The following ADAM22 variants were observed in gnomAD, a reference collection of about 807,000 sequenced individuals.
ADAM22 encodes disintegrin and metalloproteinase domain-containing protein 22.
ADAM22 carries 65 observed loss-of-function variants against 144.6 expected under a neutral mutation model. That is an observed-to-expected ratio of 0.45 (90% CI 0.37 to 0.55). The LOEUF (loss-of-function observed/expected upper bound fraction) is 0.55, where lower values mean the gene tolerates loss of function less well. Ranked by LOEUF, ADAM22 falls within the 20% of genes least tolerant of loss-of-function variation. ADAM22 has a pLI of 0.00. For synonymous variants in ADAM22, 391 were observed against 412.6 expected (o/e 0.95, Z 0.63); for missense variants, 974 against 1,184.9 (o/e 0.82, Z 2.61).
rs999985709 is a variant in ADAM22 at position 88,198,118 on chromosome 7, T to C, written c.*1627T>C. ...ATTTGCTGTGTGTTCTTAAGAGGAATGGAATCTGCAGACAGGTTTTCAGAT... is the reference window on the plus strand; with the variant it reads ...ATTTGCTGTGTGTTCTTAAGAGGAACGGAATCTGCAGACAGGTTTTCAGAT... On this transcript the variant is annotated 3_prime_UTR_variant, in exon 32 of 32. Coordinates refer to ENST00000413139, the MANE Select transcript of ADAM22 (RefSeq NM_001324418.2). 2.0e-5 allele frequency: 3 copies of C among 152,160 alleles called. No homozygotes were observed. The highest frequency in any genetic ancestry group is 2.9e-5 in the Non-Finnish European group (2 of 68,028). 9.4% of individuals were successfully genotyped at this position (152,160 alleles called of 1,614,324 possible).
intron 14 of ADAM22, among the ~76,000 whole-genome samples, chr7:88,142,701 G>A (rs561375604): frequency 1.4e-4 from 21 of 152,200 alleles, no homozygotes; most frequent in African/African-American, 4.3e-4. Context: ...AGCTGGGCAT[G>A]GTGGCGGGCG....
intron 3 of ADAM22, among the ~76,000 whole-genome samples, chr7:88,002,823 C>T (rs1304395006): frequency 1.3e-5 from 2 of 152,156 alleles, no homozygotes; most frequent in East Asian, 1.9e-4. Context: ...TTCACTTCCT[C>T]CTTGATCCTG....
Position 88,163,199 on chromosome 7 carries a change from G to A in ADAM22, c.2076+19G>A. On this transcript the variant is annotated intron_variant, in intron 23 of 31. Coordinates refer to ENST00000413139, the MANE Select transcript of ADAM22 (RefSeq NM_001324418.2). ...AAATGGAGTAAGTATCCAGTACCTT[G>A]TCAGAATCTATTTCTTTTATATCAC... The A allele has an allele frequency of 1.3e-6, 2 of 1,550,700 alleles. No homozygotes were observed. The highest frequency in any genetic ancestry group is 1.7e-6 in the Non-Finnish European group (2 of 1,152,680).
intron 8 of ADAM22, among the ~76,000 whole-genome samples, chr7:88,128,378 G>T (rs1830955634): frequency 6.6e-6 from 1 of 151,972 alleles, no homozygotes; most frequent in African/African-American, 2.4e-5. Context: ...GAATAGAGGT[G>T]AGAGGAAGAC....
intron 3 of ADAM22, among the ~76,000 whole-genome samples, chr7:87,978,798 A>T (rs1852533574): frequency 6.6e-6 from 1 of 152,174 alleles, no homozygotes; most frequent in South Asian, 2.1e-4. Flanking sequence ...GATTCAGAGG[A>T]CTGGCTGCAT....
At chr7:88,184,622 C>T (rs1031795249) in intron 29 of ADAM22, among the ~76,000 whole-genome samples, 13 of 151,704 alleles carry the variant, frequency 8.6e-5, no homozygotes, top group Non-Finnish European at 1.0e-4. Context: ...TTTTGCATGT[C>T]GCGCTATATG....
rs144364118 is a variant in ADAM22, at chr7:87,952,906, C to G, written c.246+17720C>G. Among the ~76,000 whole-genome samples the G allele has an allele frequency of 9.3e-3, 1,419 of 152,272 alleles. 22 individuals carry two copies. The highest frequency in any genetic ancestry group is 0.033 in the African/African-American group (1,357 of 41,552). On this transcript the variant is annotated intron_variant, in intron 2 of 31. Coordinates refer to ENST00000413139, the MANE Select transcript of ADAM22 (RefSeq NM_001324418.2). The stretch of plus-strand genomic sequence containing the variant: ...GTGTTGAGGAATTTATCCATTTCTT[C>G]TAGATTTTCTAGTTTATTTGTGTAG...
chr7:87,991,826 A>G (rs970352576), intron 3 of ADAM22, among the ~76,000 whole-genome samples: 32 of 152,364 alleles, frequency 2.1e-4, no homozygotes, highest in Non-Finnish European at 3.2e-4. Flanking sequence ...GTAGTTAACC[A>G]TAGTAAGTTT....
chr7:87,968,366 A>G (rs1029646919), intron 2 of ADAM22, among the ~76,000 whole-genome samples: 1 of 152,164 alleles, frequency 6.6e-6, no homozygotes, highest in Non-Finnish European at 1.5e-5. Context: ...AGGCACTAGT[A>G]TTTTTTAAAA....
intron 3 of ADAM22, among the ~76,000 whole-genome samples, chr7:88,018,581 G>A (rs1797057514): frequency 6.6e-6 from 1 of 152,146 alleles, no homozygotes; most frequent in African/African-American, 2.4e-5. Context: ...TAAAGCATCT[G>A]CTTTATTCCT....
At chr7:87,975,237 C>G (rs1227097818) in intron 2 of ADAM22, among the ~76,000 whole-genome samples, 1 of 152,150 alleles carries the variant, frequency 6.6e-6, no homozygotes, top group Non-Finnish European at 1.5e-5. Flanking sequence ...CAGCATTTCT[C>G]TGTTTTATTA....
intron 23 of ADAM22, 114 bp downstream of exon 23, chr7:88,163,294 G>A (rs1842187190): frequency 1.2e-6 from 1 of 852,896 alleles, no homozygotes; most frequent in African/African-American, 1.8e-5. Context: ...CATATTTCTA[G>A]TTGGTATATA....
chr7:88,198,511 A>G lies in ADAM22; in HGVS notation c.*2020A>G, dbSNP rs780992936. The G allele has an allele frequency of 1.3e-5, 2 of 152,238 alleles. No homozygotes were observed. Among genetic ancestry groups the G allele is most frequent in the Non-Finnish European group, 2.9e-5 (2 of 68,048 alleles). 9.4% of individuals were successfully genotyped at this position (152,238 alleles called of 1,614,324 possible). ...GGGCAGACAGATTGAAAGATGTAGCAAATAAAGTGACTTTTTACCAAGATC... is the reference window on the plus strand; with the variant it reads ...GGGCAGACAGATTGAAAGATGTAGCGAATAAAGTGACTTTTTACCAAGATC... On this transcript the variant is annotated 3_prime_UTR_variant, in exon 32 of 32. Coordinates refer to ENST00000413139, the MANE Select transcript of ADAM22 (RefSeq NM_001324418.2).
chr7:87,998,294 C>G (rs1388403986), intron 3 of ADAM22, among the ~76,000 whole-genome samples: 1 of 152,212 alleles, frequency 6.6e-6, no homozygotes, highest in Non-Finnish European at 1.5e-5. Flanking sequence ...AGGAACAACA[C>G]TTTGCATCCT....
intron 4 of ADAM22, 68 bp from the exon 5 acceptor site, chr7:88,108,108 T>A: frequency 7.7e-7 from 1 of 1,303,292 alleles, no homozygotes; most frequent in Non-Finnish European, 1.1e-6. Context: ...AGTAGAAACC[T>A]CCTGTGAAAT....
chr7:87,938,153 C>A (rs558552021), intron 2 of ADAM22, among the ~76,000 whole-genome samples: 1 of 143,176 alleles, frequency 7.0e-6, no homozygotes, highest in Non-Finnish European at 1.5e-5. Context: ...CTTGTTATTT[C>A]TCTAATACTT....
intron 5 of ADAM22, among the ~76,000 whole-genome samples, chr7:88,110,049 C>A (rs1825600611): frequency 6.6e-6 from 1 of 152,126 alleles, no homozygotes; most frequent in Admixed American, 6.5e-5. Flanking sequence ...TGTCTGAGAG[C>A]ATGGAAGACT....
chr7:88,195,216 T>C (rs757742557), intron 31 of ADAM22, among the ~76,000 whole-genome samples: 32 of 152,242 alleles, frequency 2.1e-4, no homozygotes, highest in Non-Finnish European at 4.4e-4. Flanking sequence ...ATAATAATTA[T>C]ATCTAAATTC....
chr7:88,093,458 T>G (rs1428792911), intron 4 of ADAM22, among the ~76,000 whole-genome samples: 1 of 152,160 alleles, frequency 6.6e-6, no homozygotes, highest in Non-Finnish European at 1.5e-5. Flanking sequence ...GTTTGAGTGT[T>G]TACAGCCTTT....
Sources: allele counts gnomAD v4.1 joint callset (sites outside exome capture counted in the v4.1 genomes callset), GRCh38; gene constraint gnomAD v4.1.1; transcripts MANE v1.5; gene names NCBI Gene and HGNC (gene_info 2026-07-23, HGNC 2026-07-21).